CFAP100: variants seen among roughly 807,000 people sequenced by gnomAD.
The protein encoded by CFAP100 is cilia and flagella associated protein 100, also known as cilia- and flagella-associated protein 100.
Under a neutral mutation model 81.5 loss-of-function variants are expected in CFAP100, and 70 were observed. The ratio of observed to expected loss-of-function variants is 0.86; its 90% CI spans 0.71 to 1.05. CFAP100 has a LOEUF of 1.05. CFAP100 is among the 50% of genes least tolerant of loss of function. CFAP100 has a pLI of 0.00. For synonymous variants in CFAP100, 341 were observed against 314.8 expected, an observed-to-expected ratio of 1.08 and a Z score of -0.88; for missense variants, 811 against 776.5, an observed-to-expected ratio of 1.04 and a Z score of -0.53.
At chr3:126,435,514 C>T (rs1034234190) in intron 15 of CFAP100, 45 bp from the exon 16 acceptor site, 4 of 1,547,586 alleles carry the variant, frequency 2.6e-6, no homozygotes, top group Non-Finnish European at 2.7e-6. Flanking sequence ...TTACACAACA[C>T]CTTCCAGGTC....
chr3:126,404,025 G>A (rs1560062978), intron 2 of CFAP100, among the ~76,000 whole-genome samples: 1 of 152,234 alleles, frequency 6.6e-6, no homozygotes, highest in Non-Finnish European at 1.5e-5. Flanking sequence ...TATAATAGAT[G>A]AAGGTTCTCA....
intron 11 of CFAP100, among the ~76,000 whole-genome samples, chr3:126,422,090 T>C (rs1457919855): frequency 3.3e-5 from 5 of 152,186 alleles, no homozygotes; most frequent in Non-Finnish European, 5.9e-5. Context: ...CCACTGAGTA[T>C]AGCTGGGCAG....
At chr3:126,416,293 C>A in intron 4 of CFAP100, 23 bp from the exon 5 acceptor site, 1 of 1,564,698 alleles carries the variant, frequency 6.4e-7, no homozygotes, top group South Asian at 1.2e-5. Context: ...TGGGCCCCGC[C>A]CGACTTGGCC....
chr3:126,435,534 T>G lies in CFAP100; in HGVS notation c.1629-25T>G, dbSNP rs1000588553. 9 of 1,600,694 alleles carry G rather than the reference T, an allele frequency of 5.6e-6. No individual in the cohort carries two copies. In the Admixed American group the frequency reaches 8.4e-5, roughly 15 times the overall value. On this transcript the variant is annotated intron_variant, in intron 15 of 16. Coordinates refer to ENST00000352312, the MANE Select transcript of CFAP100 (RefSeq NM_182628.3). ...CAACACCTTCCAGGTCCCCCCAGTT[T>G]TCAATGTCATTTCTTGCCACCCAGA... is the stretch of plus-strand genomic sequence containing the variant.
intron 11 of CFAP100, among the ~76,000 whole-genome samples, chr3:126,421,790 C>A (rs2083335825): frequency 6.6e-6 from 1 of 152,266 alleles, no homozygotes; most frequent in Non-Finnish European, 1.5e-5. Flanking sequence ...TGTGGCCACG[C>A]CTTGTGGTGA....
Position 126,416,525 on chromosome 3 carries a change from G to T in CFAP100, c.418+17G>T, listed in dbSNP as rs993469792. 2.6e-6 allele frequency: 4 copies of T among 1,537,794 alleles called. No homozygotes were observed. The highest frequency in any genetic ancestry group is 1.4e-5 in the African/African-American group (1 of 72,392). On this transcript the variant is annotated intron_variant, in intron 5 of 16. Transcript: ENST00000352312. ...TGACCAAAGGTGCGTCCCCTCCGGCGCGGGGGGACCTGGGCCAGTGGCGTC... is the reference window on the plus strand; with the variant it reads ...TGACCAAAGGTGCGTCCCCTCCGGCTCGGGGGGACCTGGGCCAGTGGCGTC...
intron 2 of CFAP100, among the ~76,000 whole-genome samples, chr3:126,406,023 T>C (rs2083056998): frequency 6.6e-6 from 1 of 152,234 alleles, no homozygotes; most frequent in African/African-American, 2.4e-5. Flanking sequence ...TTCTGATTTA[T>C]ATGATATGGT....
chr3:126,408,138 C>T (rs1166152002), intron 3 of CFAP100, among the ~76,000 whole-genome samples: 1 of 152,214 alleles, frequency 6.6e-6, no homozygotes, highest in Non-Finnish European at 1.5e-5. Flanking sequence ...AGGCCCACCA[C>T]CAGGTTCTGC....
intron 3 of CFAP100, among the ~76,000 whole-genome samples, chr3:126,412,310 ACATG>A (rs1221122502): frequency 6.6e-6 from 1 of 152,116 alleles, no homozygotes; most frequent in African/African-American, 2.4e-5. Context: ...GCCCACCTGG[ACATG>A]CCGGGACAGT....
At chr3:126,409,584 TTC>T (rs1171707528) in intron 3 of CFAP100, among the ~76,000 whole-genome samples, 1 of 152,216 alleles carries the variant, frequency 6.6e-6, no homozygotes, top group Admixed American at 6.5e-5. Flanking sequence ...CTTCCAGTTG[TTC>T]TGTGTCCTCT....
chr3:126,435,481 G>A, intron 15 of CFAP100, 78 bp from the exon 16 acceptor site: 1 of 1,231,962 alleles, frequency 8.1e-7, no homozygotes, highest in Non-Finnish European at 1.2e-6. Context: ...GACACGGCCT[G>A]GCCTGGGGAC....
intron 2 of CFAP100, 132 bp from the exon 3 acceptor site, chr3:126,407,040 C>T: frequency 3.5e-6 from 2 of 569,002 alleles, no homozygotes; most frequent in Non-Finnish European, 6.4e-6. Context: ...ATGTAGAGCC[C>T]TCAGTCTCAC....
At chr3:126,433,990 GA>G in intron 14 of CFAP100, 185 bp from the exon 15 acceptor site, 1 of 587,860 alleles carries the variant, frequency 1.7e-6, no homozygotes, top group South Asian at 2.1e-5. Context: ...GGGCCCGGGG[GA>G]TAGGCTGCTC....
At chr3:126,409,523 A>G (rs1475585549) in intron 3 of CFAP100, among the ~76,000 whole-genome samples, 5 of 152,294 alleles carry the variant, frequency 3.3e-5, no homozygotes, top group Non-Finnish European at 7.4e-5. Context: ...GGATAAATGA[A>G]GTTTTCCAGA....
intron 3 of CFAP100, among the ~76,000 whole-genome samples, chr3:126,409,941 C>T (rs893660099): frequency 2.6e-5 from 4 of 152,330 alleles, no homozygotes; most frequent in Middle Eastern, 3.4e-3. Flanking sequence ...TGGCTCACCC[C>T]TGTAATCCCA....
intron 13 of CFAP100, 56 bp downstream of exon 13, chr3:126,423,700 C>A: frequency 6.3e-7 from 1 of 1,598,914 alleles, no homozygotes; most frequent in South Asian, 1.1e-5. Flanking sequence ...CCTGGGATCC[C>A]CCTAGCACTG....
chr3:126,420,841 A>G (rs1326669692), intron 11 of CFAP100: 2 of 99,828 alleles, frequency 2.0e-5, no homozygotes, highest in Non-Finnish European at 3.9e-5. Flanking sequence ...AATACATTTC[A>G]TACATATCAT....
At chr3:126,401,397 T>TTTTATATATATATATA (rs869308239) in intron 2 of CFAP100, among the ~76,000 whole-genome samples, 4 of 76,208 alleles carry the variant, frequency 5.2e-5, no homozygotes, top group Non-Finnish European at 1.1e-4. Context: ...AAATCGTATT[T>TTTTATATATATATATA]TATATATATA....
rs777075733 is a variant in CFAP100 at position 126,423,542 on chromosome 3, G to C, written c.1184G>C (p.Arg395Pro). The part of the protein sequence containing the change: ...TEPQQLLDVF[R>P]ELEEQNLSLI... The stretch of plus-strand genomic sequence containing the variant: ...CCCCAGCAGCTCCTGGATGTCTTCC[G>C]AGAGCTGGAGGAGCAGAACCTGTCG... Residue 395 changes from arginine (R) to proline (P), a missense_variant, in exon 13 of 17, where the codon CGA (arginine) becomes CCA (proline). By Grantham distance (103) the Arg-to-Pro change is moderately radical. Transcript: ENST00000352312. The C allele has an allele frequency of 6.2e-7, 1 of 1,614,158 alleles. No homozygotes were observed. The highest frequency in any genetic ancestry group is 2.2e-5 in the East Asian group (1 of 44,872).
Sources: allele counts gnomAD v4.1 joint callset (sites outside exome capture counted in the v4.1 genomes callset), GRCh38; gene constraint gnomAD v4.1.1; transcripts MANE v1.5; gene names NCBI Gene and HGNC (gene_info 2026-07-23, HGNC 2026-07-21).